The following SYNJ1 variants were observed in gnomAD, a reference collection of about 807,000 sequenced individuals.
SYNJ1 encodes the protein synaptojanin 1.
Under a neutral mutation model 168.2 loss-of-function variants are expected in SYNJ1, and 78 were observed. The observed-to-expected ratio is 0.46, with a 90% confidence interval of 0.39 to 0.56. The LOEUF (loss-of-function observed/expected upper bound fraction) is 0.56, where lower values mean the gene tolerates loss of function less well. Among genes scored for constraint, SYNJ1 ranks in the 20% least tolerant of loss-of-function variants. The pLI is 0.00. For synonymous variants in SYNJ1, 539 were observed against 548.6 expected (o/e 0.98, Z 0.24); for missense variants, 1,303 against 1,597.6 (o/e 0.82, Z 3.14).
At chr21:32,705,744 G>A (rs1173249907) in intron 2 of SYNJ1, among the ~76,000 whole-genome samples, 3 of 152,182 alleles carry the variant, frequency 2.0e-5, no homozygotes, top group East Asian at 1.9e-4. Flanking sequence ...CCAGCACTTC[G>A]GGAAGCTGAT....
chr21:32,695,841 G>GTTTTTTTT (rs201904973), intron 4 of SYNJ1, among the ~76,000 whole-genome samples: 2 of 127,770 alleles, frequency 1.6e-5, no homozygotes, highest in Non-Finnish European at 3.4e-5. Flanking sequence ...TTTTTGTTTT[G>GTTTTTTTT]TTTTGTTTTT....
chr21:32,716,312 A>G (rs2043021280), intron 2 of SYNJ1, among the ~76,000 whole-genome samples: 1 of 152,224 alleles, frequency 6.6e-6, no homozygotes, highest in Non-Finnish European at 1.5e-5. Flanking sequence ...ATTGGATACT[A>G]AGAAAGGTAA....
chr21:32,684,187 G>T, intron 9 of SYNJ1, 68 bp from the exon 10 acceptor site: 1 of 1,460,070 alleles, frequency 6.8e-7, no homozygotes, highest in South Asian at 1.2e-5. Context: ...GTGAATAATT[G>T]AGGTAATTAA....
At chr21:32,689,058 A>G (rs2041930923) in intron 6 of SYNJ1, among the ~76,000 whole-genome samples, 1 of 152,196 alleles carries the variant, frequency 6.6e-6, no homozygotes, top group African/African-American at 2.4e-5. Flanking sequence ...ATATCTACCT[A>G]TTGTATATTG....
intron 15 of SYNJ1, among the ~76,000 whole-genome samples, chr21:32,668,965 C>T (rs2041070673): frequency 6.6e-6 from 1 of 152,142 alleles, no homozygotes; most frequent in African/African-American, 2.4e-5. Flanking sequence ...GTCATCATTA[C>T]AATCCCCACT....
intron 2 of SYNJ1, among the ~76,000 whole-genome samples, chr21:32,717,645 T>A (rs1248087190): frequency 6.6e-6 from 1 of 152,216 alleles, no homozygotes; most frequent in African/African-American, 2.4e-5. Flanking sequence ...AAACATGAAC[T>A]ATTCCCAGCC....
chr21:32,670,841 T>C, intron 14 of SYNJ1: 2 of 982,668 alleles, frequency 2.0e-6, no homozygotes. Flanking sequence ...ATTTTCTGGG[T>C]GAAAGAAATC....
chr21:32,658,136 C>T (rs945534737), intron 18 of SYNJ1, among the ~76,000 whole-genome samples: 3 of 152,172 alleles, frequency 2.0e-5, no homozygotes, highest in Admixed American at 6.5e-5. Flanking sequence ...ACCCTCAAGC[C>T]AAAAAGTCTG....
chr21:32,698,349 G>T (rs2042282995), intron 4 of SYNJ1, among the ~76,000 whole-genome samples: 2 of 152,164 alleles, frequency 1.3e-5, no homozygotes, highest in African/African-American at 4.8e-5. Flanking sequence ...TTGACTTTGA[G>T]TCTTCTGACA....
rs2145657513 is a variant in SYNJ1 at position 32,631,438 on chromosome 21, T to C, written c.*367A>G. On this transcript the variant is annotated 3_prime_UTR_variant, in exon 33 of 33. Coordinates refer to ENST00000674351, the MANE Select transcript of SYNJ1 (RefSeq NM_203446.3). ...GGCTCTTCTTTGGAGAACCATGAAG[T>C]TGCCTCTGATTCTTCAGACTTGGCT... 2 of 1,614,154 alleles carry C rather than the reference T, an allele frequency of 1.2e-6. No homozygotes were observed. The highest frequency in any genetic ancestry group is 1.7e-6 in the Non-Finnish European group (2 of 1,180,016).
intron 14 of SYNJ1, chr21:32,670,863 GGA>G (rs1242729862): frequency 2.1e-5 from 20 of 954,068 alleles, no homozygotes; most frequent in Admixed American, 6.2e-5. Flanking sequence ...AGGAAAACTA[GGA>G]GAGATCCAGA....
chr21:32,639,068 G>T lies in SYNJ1; in HGVS notation c.3755C>A (p.Ser1252Tyr). ...KPQAAFPPQS[S>Y]LPPPAQRLQE... ...CAACCTTTGAGCAGGCGGGGGCAAA[G>T]AAGACTGCGGAGGAAAAGCAGCCTG... Residue 1252 changes from serine (S) to tyrosine (Y), a missense_variant, in exon 31 of 33, where the codon TCT becomes TAT. Physicochemically the swap from Ser to Tyr is moderately radical, Grantham distance 144. Around this residue, in one of 2 missense-constraint regions of SYNJ1, gnomAD observed 383 missense variants for 388.8 expected, o/e 0.99. Transcript: ENST00000674351. 3.1e-6 allele frequency: 5 copies of T among 1,614,142 alleles called. No homozygotes were observed. Among genetic ancestry groups the T allele is most frequent in the Non-Finnish European group, 4.2e-6 (5 of 1,179,988 alleles).
At position 32,631,464 on chromosome 21, in the gene SYNJ1, C is replaced by T; in HGVS notation, c.*341G>A. On this transcript the variant is annotated 3_prime_UTR_variant, in exon 33 of 33. Coordinates refer to ENST00000674351, the MANE Select transcript of SYNJ1 (RefSeq NM_203446.3). ...TGCCTCTGATTCTTCAGACTTGGCTCTAAATGGGTTTCCAGGAGCAGCAGT... is the reference window on the plus strand; with the variant it reads ...TGCCTCTGATTCTTCAGACTTGGCTTTAAATGGGTTTCCAGGAGCAGCAGT... 10 of 1,614,136 alleles carry T rather than the reference C, an allele frequency of 6.2e-6. No individual in the cohort carries two copies. Among genetic ancestry groups the T allele is most frequent in the Non-Finnish European group, 8.5e-6 (10 of 1,180,028 alleles).
rs146753923 is a variant in SYNJ1 at position 32,642,162 on chromosome 21, A to C, written c.3479-29T>G. On this transcript the variant is annotated intron_variant, in intron 27 of 32. Transcript: ENST00000674351. The stretch of plus-strand genomic sequence containing the variant: ...TGAAGCAAGAAGGGAAAAAAAAATT[A>C]GTTGTAAGTTAACAATTAAGCAATA... The C allele has an allele frequency of 0.013, 20,225 of 1,613,306 alleles. 165 individuals carry two copies. Among genetic ancestry groups the C allele is most frequent in the Middle Eastern group, 0.044 (247 of 5,674 alleles).
rs1423969837 is a variant in SYNJ1, at chr21:32,631,333, TA to T, written c.*471del. 1.2e-6 allele frequency: 2 copies of T among 1,614,184 alleles called. No homozygotes were observed. The stretch of plus-strand genomic sequence containing the variant: ...TGGCCCTGTAGATCAAAACTGTCCT[TA>T]AAGCCATCAAGTGAAGATGAAGCCC... On this transcript the variant is annotated 3_prime_UTR_variant, in exon 33 of 33. Coordinates refer to ENST00000674351, the MANE Select transcript of SYNJ1 (RefSeq NM_203446.3).
At position 32,700,116 on chromosome 21, in the gene SYNJ1, C is replaced by A; in HGVS notation, c.212-11G>T. On this transcript the variant is annotated splice_polypyrimidine_tract_variant and intron_variant, in intron 3 of 32. Coordinates refer to ENST00000674351, the MANE Select transcript of SYNJ1 (RefSeq NM_203446.3). ...GTAACATAGTATCACCTGCAAAACCCAAAGATTTTACTGGATGAAAAATCC... is the reference window on the plus strand; with the variant it reads ...GTAACATAGTATCACCTGCAAAACCAAAAGATTTTACTGGATGAAAAATCC... The A allele has an allele frequency of 6.3e-7, 1 of 1,582,046 alleles. No homozygotes were observed. Among genetic ancestry groups the A allele is most frequent in the South Asian group, 1.2e-5 (1 of 86,304 alleles).
chr21:32,675,091 T>C (rs935258275), intron 13 of SYNJ1, among the ~76,000 whole-genome samples: 1 of 152,206 alleles, frequency 6.6e-6, no homozygotes, highest in Non-Finnish European at 1.5e-5. Context: ...TGTACCTAGA[T>C]AAAAATAATT....
chr21:32,665,034 C>T lies in SYNJ1; in HGVS notation c.2183G>A (p.Cys728Tyr). ...ATCGATTCGATAGTTGAAATCACCACACCAAAATACATAGTCATGGGAAAA... is the reference window on the plus strand; with the variant it reads ...ATCGATTCGATAGTTGAAATCACCATACCAAAATACATAGTCATGGGAAAA... ...MLFSHDYVFW[C>Y]GDFNYRIDLP... is the part of the protein sequence containing the mutation. The change falls in exon 18 of 33, where the codon TGT (cysteine) becomes TAT (tyrosine). Residue 728 changes from cysteine (C) to tyrosine (Y), a missense_variant. Transcript: ENST00000674351. The T allele has an allele frequency of 6.2e-7, 1 of 1,612,612 alleles. No individual in the cohort carries two copies. The highest frequency in any genetic ancestry group is 8.5e-7 in the Non-Finnish European group (1 of 1,179,072).
chr21:32,694,947 CATT>C (rs2042150203), intron 5 of SYNJ1, 107 bp downstream of exon 5: 1 of 1,153,726 alleles, frequency 8.7e-7, no homozygotes, highest in Non-Finnish European at 1.2e-6. Context: ...AATCATAAAA[CATT>C]ATAGATGTTA....
Sources: allele counts gnomAD v4.1 joint callset (sites outside exome capture counted in the v4.1 genomes callset), GRCh38; gene constraint gnomAD v4.1.1; regional missense constraint gnomAD v4.1.1; transcripts MANE v1.5; gene names NCBI Gene and HGNC (gene_info 2026-07-23, HGNC 2026-07-21).